Variants in FOXP1 observed in about 807,000 individuals in gnomAD.
FOXP1 encodes the protein forkhead box protein P1.
Under a neutral mutation model 98.2 loss-of-function variants are expected in FOXP1, and 15 were observed. The observed-to-expected ratio is 0.15, with a 90% CI of 0.10 to 0.24. FOXP1 has a LOEUF of 0.24. FOXP1 is among the 10% of genes least tolerant of loss of function. The pLI is 1.00. For synonymous variants in FOXP1, 371 were observed against 314.5 expected (o/e 1.18, Z -1.90); for missense variants, 633 against 848.5 (o/e 0.75, Z 3.15).
chr3:70,983,349 C>G (rs953525425), intron 14 of FOXP1, among the ~76,000 whole-genome samples: 2 of 152,080 alleles, frequency 1.3e-5, no homozygotes, highest in African/African-American at 2.4e-5. Context: ...GCCTAAGAAT[C>G]CCTTTTTATG....
chr3:71,374,310 T>C (rs540802405), intron 3 of FOXP1, among the ~76,000 whole-genome samples: 18 of 152,312 alleles, frequency 1.2e-4, no homozygotes, highest in Non-Finnish European at 1.8e-4. Flanking sequence ...AACCTACATC[T>C]GGGCCATGCG....
At chr3:71,044,387 T>C (rs2048745810) in intron 10 of FOXP1, among the ~76,000 whole-genome samples, 1 of 152,192 alleles carries the variant, frequency 6.6e-6, no homozygotes, top group Non-Finnish European at 1.5e-5. Flanking sequence ...AAATTACTGG[T>C]GCTAGGGAGG....
chr3:71,563,736 T>C (rs960613994), intron 2 of FOXP1, among the ~76,000 whole-genome samples: 1 of 152,194 alleles, frequency 6.6e-6, no homozygotes, highest in Non-Finnish European at 1.5e-5. Context: ...ATTAAAGATA[T>C]TTTCCTTGCA....
chr3:71,449,728 T>C (rs2086762549), intron 3 of FOXP1, among the ~76,000 whole-genome samples: 1 of 152,210 alleles, frequency 6.6e-6, no homozygotes, highest in Admixed American at 6.5e-5. Flanking sequence ...GTAAAATGAA[T>C]AGGGGTCACT....
intron 3 of FOXP1, among the ~76,000 whole-genome samples, chr3:71,391,635 C>T (rs991678396): frequency 6.6e-6 from 1 of 152,206 alleles, no homozygotes; most frequent in African/African-American, 2.4e-5. Context: ...AACTGCGGAG[C>T]GTTACTACAC....
intron 11 of FOXP1, among the ~76,000 whole-genome samples, chr3:71,037,057 A>G (rs1419685080): frequency 6.6e-6 from 1 of 152,128 alleles, no homozygotes; most frequent in Non-Finnish European, 1.5e-5. Context: ...TTAGTTATTT[A>G]ATTTCTATTA....
rs112098084 is a variant in FOXP1, at chr3:70,956,415, CTTTTTTT to C, written c.*2825_*2831del. ...CAAAGATATGTAAAATCTAATTTTT[CTTTTTTT>C]TTTTTTTTTGCTACAGTCTTTAGAC... On this transcript the variant is annotated 3_prime_UTR_variant, in exon 21 of 21. Coordinates refer to ENST00000649528, the MANE Select transcript of FOXP1 (RefSeq NM_001349338.3). 17 of 186,604 alleles carry C rather than the reference CTTTTTTT, an allele frequency of 9.1e-5. No individual in the cohort carries two copies. In the South Asian group the frequency reaches 9.2e-4, roughly 10 times the overall value. The allele number at this position is 186,604 out of a possible 1,614,324, so 11.6% of individuals were successfully genotyped here. A position where few individuals can be genotyped will look rare whatever the true frequency, so the allele number is the denominator to read the frequency against.
chr3:71,039,937 A>G (rs2048115736), intron 11 of FOXP1, among the ~76,000 whole-genome samples: 1 of 152,078 alleles, frequency 6.6e-6, no homozygotes, highest in South Asian at 2.1e-4. Flanking sequence ...CTTCCAAACC[A>G]ACATGCTTAA....
At chr3:71,409,807 A>T (rs866334704) in intron 3 of FOXP1, among the ~76,000 whole-genome samples, 4 of 152,180 alleles carry the variant, frequency 2.6e-5, no homozygotes, top group Non-Finnish European at 5.9e-5. Context: ...TGAGCCCAGG[A>T]GTTTGAGACC....
upstream of FOXP1, chr3:71,583,846 C>T (rs1417269144): frequency 3.0e-6 from 3 of 986,276 alleles, no homozygotes; most frequent in Admixed American, 6.2e-5. Context: ...GCAGCACCGG[C>T]CCGGGGGCGC....
At chr3:71,397,020 A>ATGTGTG (rs2081504499) in intron 3 of FOXP1, among the ~76,000 whole-genome samples, 1 of 89,848 alleles carries the variant, frequency 1.1e-5, no homozygotes, top group South Asian at 3.6e-4. Context: ...ATATATATAT[A>ATGTGTG]TATACATATA....
chr3:71,248,923 C>T (rs2067972337), intron 5 of FOXP1, among the ~76,000 whole-genome samples: 1 of 152,070 alleles, frequency 6.6e-6, no homozygotes, highest in Non-Finnish European at 1.5e-5. Flanking sequence ...GGTCACTGAT[C>T]ACAAAAAAGC....
chr3:71,419,066 C>T (rs900691263), intron 3 of FOXP1, among the ~76,000 whole-genome samples: 3 of 151,540 alleles, frequency 2.0e-5, no homozygotes, highest in East Asian at 3.9e-4. Flanking sequence ...GAAACCCCAT[C>T]TCTACTAAAA....
intron 5 of FOXP1, among the ~76,000 whole-genome samples, chr3:71,249,026 T>A (rs1033311702): frequency 6.6e-6 from 1 of 152,238 alleles, no homozygotes; most frequent in African/African-American, 2.4e-5. Context: ...TGAATCCTTT[T>A]GTGTAGAATT....
At chr3:71,317,916 CT>C (rs2107654004) in intron 4 of FOXP1, among the ~76,000 whole-genome samples, 1 of 152,174 alleles carries the variant, frequency 6.6e-6, no homozygotes, top group East Asian at 1.9e-4. Flanking sequence ...AGTTTACATA[CT>C]TTTCAGTCAC....
At chr3:70,974,526 T>C (rs897446809) in intron 17 of FOXP1, among the ~76,000 whole-genome samples, 17 of 152,308 alleles carry the variant, frequency 1.1e-4, no homozygotes, top group African/African-American at 3.8e-4. Flanking sequence ...CTTGAACTCC[T>C]GGGCTCAAGT....
At chr3:71,455,269 A>G (rs1212451333) in intron 3 of FOXP1, among the ~76,000 whole-genome samples, 6 of 152,174 alleles carry the variant, frequency 3.9e-5, no homozygotes, top group African/African-American at 9.7e-5. Context: ...TACATCTGAG[A>G]GTACATCCCT....
At chr3:71,123,535 A>G (rs895696858) in intron 6 of FOXP1, among the ~76,000 whole-genome samples, 4 of 152,188 alleles carry the variant, frequency 2.6e-5, no homozygotes, top group African/African-American at 9.7e-5. Flanking sequence ...TAAAGCAAAT[A>G]ATAGAAAAGC....
chr3:71,277,912 T>C (rs780436997), intron 5 of FOXP1, among the ~76,000 whole-genome samples: 3 of 152,110 alleles, frequency 2.0e-5, no homozygotes, highest in Non-Finnish European at 4.4e-5. Flanking sequence ...CCCAGTTTTG[T>C]CTTCATTGGC....
Sources: allele counts gnomAD v4.1 joint callset (sites outside exome capture counted in the v4.1 genomes callset), GRCh38; gene constraint gnomAD v4.1.1; transcripts MANE v1.5; gene names NCBI Gene and HGNC (gene_info 2026-07-23, HGNC 2026-07-21).